AGBL2: variants seen among roughly 807,000 people sequenced by gnomAD.
AGBL2 encodes the protein cytosolic carboxypeptidase 2.
Under a neutral mutation model 103.0 loss-of-function variants are expected in AGBL2, and 87 were observed. That is an observed-to-expected ratio of 0.84 (90% confidence interval 0.71 to 1.01). The LOEUF (loss-of-function observed/expected upper bound fraction) is 1.01, where lower values mean the gene tolerates loss of function less well. Ranked by LOEUF, AGBL2 falls within the 50% of genes least tolerant of loss-of-function variation. The probability of loss-of-function intolerance (pLI) is 0.00; values close to 1 mark genes in which losing one functional copy is unlikely to be tolerated. For missense variants in AGBL2, 904 were observed against 1,023.5 expected (o/e 0.88, Z 1.59); for synonymous variants, 335 against 356.7 (o/e 0.94, Z 0.69).
chr11:47,696,573 G>C (rs1012475559), intron 8 of AGBL2, among the ~76,000 whole-genome samples: 3 of 151,952 alleles, frequency 2.0e-5, no homozygotes, highest in African/African-American at 7.2e-5. Context: ...GTGGGCCTGG[G>C]TTTTCTTTGT....
At chr11:47,711,308 C>G (rs773015811) in intron 3 of AGBL2, among the ~76,000 whole-genome samples, 10 of 152,106 alleles carry the variant, frequency 6.6e-5, no homozygotes, top group Non-Finnish European at 1.3e-4. Context: ...TAAAAATTGT[C>G]ACGACACCCA....
rs1413826602 is a variant in AGBL2, at chr11:47,704,532, A to G, written c.586+11T>C. 1.3e-6 allele frequency: 2 copies of G among 1,595,136 alleles called. No individual in the cohort carries two copies. The highest frequency in any genetic ancestry group is 2.2e-5 in the East Asian group (1 of 44,748). On this transcript the variant is annotated intron_variant, in intron 7 of 18. Coordinates refer to ENST00000525123, the MANE Select transcript of AGBL2 (RefSeq NM_024783.4). ...CAGAATAGCAAGACCACTGTGAGTAAGTCATATTACCAATATGATGGATGT... is the reference window on the plus strand; with the variant it reads ...CAGAATAGCAAGACCACTGTGAGTAGGTCATATTACCAATATGATGGATGT...
Position 47,682,032 on chromosome 11 carries a change from TAAC to T in AGBL2, c.1849_1851del (p.Val617del). 1.9e-6 allele frequency: 3 copies of T among 1,614,162 alleles called. No individual in the cohort carries two copies. The highest frequency in any genetic ancestry group is 1.7e-5 in the Admixed American group (1 of 59,996). On this transcript the variant is annotated inframe_deletion, in exon 12 of 19. Coordinates refer to ENST00000525123, the MANE Select transcript of AGBL2 (RefSeq NM_024783.4). ...CTGTTTAGGATTCCCATCCGCCACA[TAAC>T]AACTCGTCCTGTTCCTTCTTTGCAT...
chr11:47,713,810 C>T (rs2097542587), intron 3 of AGBL2, among the ~76,000 whole-genome samples: 1 of 151,656 alleles, frequency 6.6e-6, no homozygotes, highest in South Asian at 2.1e-4. Flanking sequence ...AGGATGGTCT[C>T]GATCTCCTGA....
intron 18 of AGBL2, among the ~76,000 whole-genome samples, chr11:47,662,596 G>A (rs758828275): frequency 2.0e-5 from 3 of 151,572 alleles, no homozygotes; most frequent in Non-Finnish European, 4.4e-5. Context: ...GGGTTCAAGC[G>A]ATTCTCCTGC....
rs1287403868 is a variant in AGBL2 at position 47,710,578 on chromosome 11, T to C, written c.98-67A>G. 9.5e-6 allele frequency: 15 copies of C among 1,581,786 alleles called. No homozygotes were observed. In the Admixed American group the frequency reaches 2.0e-4, roughly 21 times the overall value. ...TCATCACTTCTAACATCTAGGTCAA[T>C]ACCAAACCACTACTCCTTTTATCAC... On this transcript the variant is annotated intron_variant, in intron 3 of 18. Coordinates refer to ENST00000525123, the MANE Select transcript of AGBL2 (RefSeq NM_024783.4).
At chr11:47,714,411 AG>A in intron 2 of AGBL2, 64 bp from the exon 3 acceptor site, 1 of 1,505,224 alleles carries the variant, frequency 6.6e-7, no homozygotes, top group Admixed American at 1.7e-5. Flanking sequence ...CTCAACAAAA[AG>A]TACATGAGCG....
At chr11:47,672,474 C>G (rs567001224) in intron 14 of AGBL2, among the ~76,000 whole-genome samples, 4 of 152,248 alleles carry the variant, frequency 2.6e-5, no homozygotes, top group African/African-American at 9.6e-5. Flanking sequence ...GTCACCATGA[C>G]TGGCTACTTT....
At chr11:47,707,146 C>T (rs572676951) in intron 4 of AGBL2, among the ~76,000 whole-genome samples, 15 of 152,004 alleles carry the variant, frequency 9.9e-5, no homozygotes, top group African/African-American at 3.4e-4. Context: ...TTGCAGTGAG[C>T]AGAGATCGTG....
At position 47,704,525 on chromosome 11, in the gene AGBL2, G is replaced by A; in HGVS notation, c.586+18C>T. 1 of 1,545,696 alleles carries A rather than the reference G, an allele frequency of 6.5e-7. No individual in the cohort carries two copies. The highest frequency in any genetic ancestry group is 8.8e-7 in the Non-Finnish European group (1 of 1,132,344). ...AGTCAGGCAGAATAGCAAGACCACT[G>A]TGAGTAAGTCATATTACCAATATGA... On this transcript the variant is annotated intron_variant, in intron 7 of 18. Coordinates refer to ENST00000525123, the MANE Select transcript of AGBL2 (RefSeq NM_024783.4).
intron 11 of AGBL2, among the ~76,000 whole-genome samples, chr11:47,682,993 A>G (rs1207305536): frequency 1.3e-5 from 2 of 152,094 alleles, no homozygotes; most frequent in Admixed American, 1.3e-4. Context: ...AGAAGGAAAG[A>G]AAAGAAGGAA....
intron 1 of AGBL2, 57 bp from the exon 2 acceptor site, chr11:47,714,807 C>T: frequency 2.8e-6 from 2 of 726,120 alleles, no homozygotes; most frequent in Admixed American, 4.3e-5. Context: ...CGGGCGCCCC[C>T]CAGCTCCCTC....
intron 3 of AGBL2, among the ~76,000 whole-genome samples, chr11:47,711,480 C>A (rs2097536280): frequency 6.6e-6 from 1 of 152,160 alleles, no homozygotes; most frequent in South Asian, 2.1e-4. Context: ...GGAGCTCATT[C>A]GTTTCTCCTG....
chr11:47,668,885 G>A lies in AGBL2; in HGVS notation c.2170C>T (p.Leu724Phe). The change falls in exon 15 of 19, where the codon CTC (leucine) becomes TTC (phenylalanine). Residue 724 changes from leucine (L) to phenylalanine (F), a missense_variant. By Grantham distance (22) the Leu-to-Phe change is conservative. Coordinates refer to ENST00000525123, the MANE Select transcript of AGBL2 (RefSeq NM_024783.4). ...AGGTGAACAGGAAGACCATCTGAGA[G>A]AGAACTGTCAGAGCCACTGGTGCTG... ...ESSTSGSDSSLSDGLPVHLAN... is the reference protein window; with the variant it reads ...ESSTSGSDSSFSDGLPVHLAN... The A allele has an allele frequency of 6.2e-7, 1 of 1,613,352 alleles. No homozygotes were observed. The highest frequency in any genetic ancestry group is 8.5e-7 in the Non-Finnish European group (1 of 1,179,652).
At chr11:47,683,536 C>T (rs574247053) in intron 11 of AGBL2, among the ~76,000 whole-genome samples, 31 of 150,744 alleles carry the variant, frequency 2.1e-4, no homozygotes, top group African/African-American at 5.4e-4. Context: ...TTTGGGAGGC[C>T]GAGGTGGGTG....
At position 47,663,084 on chromosome 11, in the gene AGBL2, G is replaced by GTGT; in HGVS notation, c.2474_2476dup (p.Asp825_Thr826insAsn). The GTGT allele has an allele frequency of 6.3e-7, 1 of 1,594,142 alleles. No individual in the cohort carries two copies. The highest frequency in any genetic ancestry group is 1.2e-5 in the South Asian group (1 of 86,428). On this transcript the variant is annotated inframe_insertion, in exon 18 of 19. Coordinates refer to ENST00000525123, the MANE Select transcript of AGBL2 (RefSeq NM_024783.4). The stretch of plus-strand genomic sequence containing the variant: ...GGTGGCCATTGATGGGTCCAGGGGG[G>GTGT]TGTCTTTGTCTCTTCTATTTAAATT...
intron 11 of AGBL2, among the ~76,000 whole-genome samples, chr11:47,684,159 G>A (rs1362246545): frequency 6.6e-6 from 1 of 152,086 alleles, no homozygotes; most frequent in African/African-American, 2.4e-5. Flanking sequence ...TGTAATCTCA[G>A]CTACTCGGGA....
intron 18 of AGBL2, among the ~76,000 whole-genome samples, chr11:47,661,628 T>C (rs1000293110): frequency 1.3e-5 from 2 of 152,106 alleles, no homozygotes. Flanking sequence ...AACCATCTAC[T>C]CTATATCTAG....
At chr11:47,694,212 T>C (rs901953991) in intron 8 of AGBL2, among the ~76,000 whole-genome samples, 6 of 149,744 alleles carry the variant, frequency 4.0e-5, no homozygotes, top group African/African-American at 1.5e-4. Flanking sequence ...CATTCATTCA[T>C]TCACTCACTC....
Sources: gnomAD v4.1 joint callset for allele counts (sites outside exome capture counted in the v4.1 genomes callset) on GRCh38, gnomAD v4.1.1 for gene constraint, MANE v1.5 for transcripts, NCBI Gene and HGNC (gene_info 2026-07-23, HGNC 2026-07-21) for gene names.